The following BICDL1 variants were observed in gnomAD, a reference collection of about 807,000 sequenced individuals.
BICDL1 encodes the protein BICD family-like cargo adapter 1.
In BICDL1, 20 loss-of-function variants were observed where a neutral mutation model predicts 76.8. That is an observed-to-expected ratio of 0.26 (90% CI 0.18 to 0.38). The LOEUF (loss-of-function observed/expected upper bound fraction) is 0.38, where lower values mean the gene tolerates loss of function less well. Ranked by LOEUF, BICDL1 falls within the 10% of genes least tolerant of loss-of-function variation. The pLI is 1.00. For missense variants in BICDL1, 700 were observed against 798.6 expected (o/e 0.88, Z 1.49); for synonymous variants, 383 against 337.1 (o/e 1.14, Z -1.49).
In BICDL1 at chr12:120,015,462, GTTC is replaced by G. The variant is rs139873439; in HGVS notation, c.645+16731_645+16733del. Among the ~76,000 whole-genome samples, 553 of 152,252 alleles carry G rather than the reference GTTC, an allele frequency of 3.6e-3. 3 individuals are homozygous for G. Among genetic ancestry groups the G allele is most frequent in the African/African-American group, 0.013 (535 of 41,550 alleles). ...CCACTTCCTTCATGAGAACTTTGCT[GTTC>G]TTCTCCCACCAGCTTTGATCTCTCC... is the stretch of plus-strand genomic sequence containing the variant. On this transcript the variant is annotated intron_variant, in intron 2 of 9. Transcript: ENST00000548673.
chr12:120,081,426 C>T (rs1312652092), intron 8 of BICDL1, among the ~76,000 whole-genome samples: 1 of 150,142 alleles, frequency 6.7e-6, no homozygotes, highest in African/African-American at 2.5e-5. Flanking sequence ...ATCTCAGCTC[C>T]CTGCAACCTC....
rs980175886 is a variant in BICDL1, at chr12:120,089,286, GTGTA to G, written c.1584-661_1584-658del. ...CCTTTTTCAACGTGTGTGTGTGTGT[GTGTA>G]TGTGTGTGTGTGTGGGGTGTGACGG... On this transcript the variant is annotated intron_variant, in intron 8 of 9. Coordinates refer to ENST00000548673, the MANE Select transcript of BICDL1 (RefSeq NM_001367886.1). Among the ~76,000 whole-genome samples the G allele has an allele frequency of 9.0e-5, 12 of 133,754 alleles. 1 individual carries two copies. Among genetic ancestry groups the G allele is most frequent in the Admixed American group, 4.8e-4 (7 of 14,510 alleles). The allele number at this position is 133,754 out of a possible 152,430, so 87.7% of individuals were successfully genotyped here.
At chr12:120,033,397 G>T (rs1952466371) in intron 2 of BICDL1, among the ~76,000 whole-genome samples, 1 of 72,854 alleles carries the variant, frequency 1.4e-5, no homozygotes, top group Non-Finnish European at 2.2e-5. Context: ...TTGTGGGGGA[G>T]ATGGAGTCTC....
rs578259778 is a variant in BICDL1, at chr12:120,067,891, T to G, written c.909+3012T>G. Among the ~76,000 whole-genome samples the G allele has an allele frequency of 5.9e-5, 9 of 152,348 alleles. No homozygotes were observed. The East Asian group carries it at 1.7e-3, about 29-fold the overall frequency. On this transcript the variant is annotated intron_variant, in intron 4 of 9. Transcript: ENST00000548673. ...TTTTCTTTCTGAGTCTCCTCAAAAC[T>G]GGGGTTGGAGAAGTTCCCACTGGAC...
chr12:119,997,850 T>C (rs1408325081), intron 1 of BICDL1, among the ~76,000 whole-genome samples: 6 of 152,076 alleles, frequency 3.9e-5, no homozygotes. Flanking sequence ...GCACGGTGGC[T>C]CACACCTGTA....
chr12:120,013,830 C>G (rs1314936811), intron 2 of BICDL1, among the ~76,000 whole-genome samples: 1 of 152,176 alleles, frequency 6.6e-6, no homozygotes, highest in Non-Finnish European at 1.5e-5. Flanking sequence ...AGAAAAGTCT[C>G]ATTGATTTGT....
rs746531972 is a variant in BICDL1 at position 120,061,768 on chromosome 12, G to A, written c.704G>A (p.Arg235Gln). Residue 235 changes from arginine (R) to glutamine (Q), a missense_variant, in exon 3 of 10, where the codon CGG becomes CAG. Transcript: ENST00000548673. The stretch of plus-strand genomic sequence containing the variant: ...GTCCACGCCCTCAGAGAAGACTTTC[G>A]GGAGAAAAACTCATCAACCAACCAG... Reference protein sequence around the residue: ...MQVHALREDFREKNSSTNQHI... With the variant: ...MQVHALREDFQEKNSSTNQHI... 2.5e-6 allele frequency: 4 copies of A among 1,614,002 alleles called. No homozygotes were observed. Among genetic ancestry groups the A allele is most frequent in the African/African-American group, 2.7e-5 (2 of 74,898 alleles).
At chr12:120,048,331 G>A (rs948161383) in intron 2 of BICDL1, among the ~76,000 whole-genome samples, 1 of 151,922 alleles carries the variant, frequency 6.6e-6, no homozygotes, top group Non-Finnish European at 1.5e-5. Context: ...CTCCATATTT[G>A]CAAACATCTG....
chr12:120,092,334 G>A, intron 9 of BICDL1: 1 of 985,470 alleles, frequency 1.0e-6, no homozygotes, highest in Non-Finnish European at 1.2e-6. Context: ...CTACCCCAGT[G>A]AGGAAGCTGA....
intron 2 of BICDL1, among the ~76,000 whole-genome samples, chr12:120,033,847 A>G (rs1046282315): frequency 1.3e-5 from 2 of 152,108 alleles, no homozygotes; most frequent in African/African-American, 4.8e-5. Flanking sequence ...TGCACTTCTG[A>G]TGTATTACAT....
At chr12:120,084,008 TTTTTC>T (rs1459924943) in intron 8 of BICDL1, among the ~76,000 whole-genome samples, 5 of 151,952 alleles carry the variant, frequency 3.3e-5, no homozygotes, top group African/African-American at 1.2e-4. Flanking sequence ...ATTCTTTTTT[TTTTTC>T]TTTTCTTTGA....
chr12:120,031,329 C>A (rs1952419549), intron 2 of BICDL1, among the ~76,000 whole-genome samples: 1 of 151,636 alleles, frequency 6.6e-6, no homozygotes, highest in African/African-American at 2.4e-5. Flanking sequence ...TCAGCCTCCT[C>A]AGTAGCTGGG....
intron 2 of BICDL1, among the ~76,000 whole-genome samples, chr12:119,999,521 A>G (rs1320633762): frequency 1.3e-5 from 2 of 152,206 alleles, no homozygotes; most frequent in Non-Finnish European, 2.9e-5. Flanking sequence ...TTTAAATATG[A>G]AAAGAAATGT....
chr12:120,038,435 A>T (rs566973797), intron 2 of BICDL1, among the ~76,000 whole-genome samples: 1 of 152,316 alleles, frequency 6.6e-6, no homozygotes, highest in East Asian at 1.9e-4. Flanking sequence ...TTAGAGCTTT[A>T]TATAAGTGTT....
At chr12:120,001,995 G>A (rs1388860634) in intron 2 of BICDL1, among the ~76,000 whole-genome samples, 2 of 152,188 alleles carry the variant, frequency 1.3e-5, no homozygotes, top group Non-Finnish European at 2.9e-5. Context: ...TCACACCACT[G>A]CACTGCAGCC....
Position 119,989,290 on chromosome 12 carries a change from C to T in BICDL1, c.-579C>T, listed in dbSNP as rs1380104027. 7.0e-6 allele frequency among the ~76,000 whole-genome samples: 1 copy of T among 143,710 alleles called. No individual in the cohort carries two copies. Among genetic ancestry groups the T allele is most frequent in the African/African-American group, 2.8e-5 (1 of 36,116 alleles). 94.3% of individuals were successfully genotyped at this position (143,710 alleles called of 152,430 possible). A position where few individuals can be genotyped will look rare whatever the true frequency, so the allele number is the denominator to read the frequency against. The stretch of plus-strand genomic sequence containing the variant: ...GCGATGTGGAGCCGCCGCCTCGGCC[C>T]CTGCAGCAGCAGCAGCCGCCGTCGC... On this transcript the variant is annotated 5_prime_UTR_variant, in exon 1 of 10. Transcript: ENST00000548673.
chr12:120,069,180 TA>T (rs1041518916), intron 4 of BICDL1, among the ~76,000 whole-genome samples: 2 of 152,174 alleles, frequency 1.3e-5, no homozygotes, highest in Non-Finnish European at 2.9e-5. Context: ...AAAGGGCATA[TA>T]ATATATATAT....
At chr12:119,999,181 C>T (rs1951712563) in intron 2 of BICDL1, among the ~76,000 whole-genome samples, 1 of 151,448 alleles carries the variant, frequency 6.6e-6, no homozygotes, top group Non-Finnish European at 1.5e-5. Flanking sequence ...GTATTTCTAT[C>T]TACAAGAACT....
Position 120,068,284 on chromosome 12 carries a change from A to G in BICDL1, c.910-3338A>G, listed in dbSNP as rs527479305. Among the ~76,000 whole-genome samples, 18 of 152,338 alleles carry G rather than the reference A, an allele frequency of 1.2e-4. No individual in the cohort carries two copies. The East Asian group carries it at 3.5e-3, about 29-fold the overall frequency. ...GAAATGCTGTTTTATAAAAGAATAA[A>G]TTAGCTTAATTTAAATCCCAAGAAG... On this transcript the variant is annotated intron_variant, in intron 4 of 9. Transcript: ENST00000548673.
Sources: allele counts gnomAD v4.1 joint callset (sites outside exome capture counted in the v4.1 genomes callset), GRCh38; gene constraint gnomAD v4.1.1; transcripts MANE v1.5; gene names NCBI Gene and HGNC (gene_info 2026-07-23, HGNC 2026-07-21).